The following ACSF2 variants were observed in gnomAD, a reference collection of about 807,000 sequenced individuals.
ACSF2 encodes acyl-CoA synthetase family member 2, also known as medium-chain acyl-CoA ligase ACSF2, mitochondrial.
Under a neutral mutation model 79.3 loss-of-function variants are expected in ACSF2, and 52 were observed. The ratio of observed to expected loss-of-function variants is 0.66; its 90% CI spans 0.53 to 0.83. ACSF2 has a LOEUF of 0.83. Ranked by LOEUF, ACSF2 falls within the 40% of genes least tolerant of loss-of-function variation. The probability of loss-of-function intolerance (pLI) is 0.00; values close to 1 mark genes in which losing one functional copy is unlikely to be tolerated. For missense variants in ACSF2, 661 were observed against 803.3 expected, an observed-to-expected ratio of 0.82 and a Z score of 2.14; for synonymous variants, 283 against 312.6, an observed-to-expected ratio of 0.91 and a Z score of 1.00.
In ACSF2 at chr17:50,426,254, A is replaced by G; in HGVS notation, c.-8A>G. 7.4e-7 allele frequency: 1 copy of G among 1,354,254 alleles called. No individual in the cohort carries two copies. Among genetic ancestry groups the G allele is most frequent in the Non-Finnish European group, 9.6e-7 (1 of 1,045,850 alleles). The allele number at this position is 1,354,254 out of a possible 1,614,324, so 83.9% of individuals were successfully genotyped here. ...TTACTCGGGCCGGGACGCAGGGCAA[A>G]GCGAGCCATGGCTGTCTACGTCGGG... On this transcript the variant is annotated 5_prime_UTR_variant, in exon 1 of 16. Coordinates refer to ENST00000300441, the MANE Select transcript of ACSF2 (RefSeq NM_025149.6).
rs867765916 is a variant in ACSF2 at position 50,426,290 on chromosome 17, T to TG, written c.33dup (p.Arg12GlufsTer59). ...GCTGTCTACGTCGGGATGCTGCGCC[T>TG]GGGGAGGCTGTGCGCCGGGAGCTCG... is the stretch of plus-strand genomic sequence containing the variant. On this transcript the variant is annotated frameshift_variant, in exon 1 of 16. Coordinates refer to ENST00000300441, the MANE Select transcript of ACSF2 (RefSeq NM_025149.6). LOFTEE classifies it high-confidence loss of function. 1.4e-6 allele frequency: 2 copies of TG among 1,410,850 alleles called. No individual in the cohort carries two copies. The highest frequency in any genetic ancestry group is 1.5e-5 in the African/African-American group (1 of 67,282). 87.4% of individuals were successfully genotyped at this position (1,410,850 alleles called of 1,614,324 possible). A position where few individuals can be genotyped will look rare whatever the true frequency, so the allele number is the denominator to read the frequency against.
At chr17:50,432,952 A>T (rs1404584803) in intron 1 of ACSF2, among the ~76,000 whole-genome samples, 1 of 152,202 alleles carries the variant, frequency 6.6e-6, no homozygotes, top group East Asian at 1.9e-4. Flanking sequence ...TGCAGCCTTC[A>T]TACGTGTGTG....
intron 10 of ACSF2, among the ~76,000 whole-genome samples, chr17:50,466,179 C>T (rs771970092): frequency 3.4e-4 from 51 of 151,460 alleles, no homozygotes; most frequent in Non-Finnish European, 4.9e-4. Flanking sequence ...CTCCGCCTCC[C>T]GGGTTCACGC....
rs554743595 is a variant in ACSF2 at position 50,441,816 on chromosome 17, C to CTTTA, written c.128+15451_128+15454dup. 6.7e-3 allele frequency among the ~76,000 whole-genome samples: 1,014 copies of CTTTA among 151,932 alleles called. 8 individuals are homozygous for CTTTA. The highest frequency in any genetic ancestry group is 0.018 in the African/African-American group (749 of 41,416). ...TTTTCCATGTCATTAAATGTTGTGTCTTTATTTATTTATTTATTTATTTAT... is the reference window on the plus strand; with the variant it reads ...TTTTCCATGTCATTAAATGTTGTGTCTTTATTTATTTATTTATTTATTTATTTAT... On this transcript the variant is annotated intron_variant, in intron 1 of 15. Transcript: ENST00000300441.
At chr17:50,437,735 C>T (rs900281112) in intron 1 of ACSF2, among the ~76,000 whole-genome samples, 3 of 152,072 alleles carry the variant, frequency 2.0e-5, no homozygotes, top group Non-Finnish European at 2.9e-5. Context: ...TAGGAAGTTG[C>T]TTCATCTTTT....
intron 1 of ACSF2, among the ~76,000 whole-genome samples, chr17:50,434,084 T>G (rs1434079576): frequency 6.8e-6 from 1 of 147,524 alleles, no homozygotes; most frequent in Non-Finnish European, 1.5e-5. Context: ...GAGGCTGAGG[T>G]GGGAGGATCG....
intron 1 of ACSF2, among the ~76,000 whole-genome samples, chr17:50,435,361 T>C (rs1284468416): frequency 6.6e-6 from 1 of 152,118 alleles, no homozygotes; most frequent in Non-Finnish European, 1.5e-5. Context: ...TTTGTAGCTT[T>C]TTTTCATCCT....
intron 1 of ACSF2, among the ~76,000 whole-genome samples, chr17:50,459,680 T>C (rs1362339043): frequency 6.6e-6 from 1 of 152,102 alleles, no homozygotes; most frequent in East Asian, 1.9e-4. Flanking sequence ...AGATGGGTAG[T>C]TCCTGAAAGG....
intron 10 of ACSF2, chr17:50,468,510 T>C (rs1200634368): frequency 1.9e-6 from 3 of 1,614,088 alleles, no homozygotes; most frequent in East Asian, 4.5e-5. Flanking sequence ...TACAAGTAGA[T>C]AAGTTGCTTG....
chr17:50,434,803 C>T (rs1342061298), intron 1 of ACSF2, among the ~76,000 whole-genome samples: 5 of 151,322 alleles, frequency 3.3e-5, no homozygotes, highest in Non-Finnish European at 7.4e-5. Flanking sequence ...GTGGTTATGT[C>T]GAGTGGTAGA....
intron 1 of ACSF2, chr17:50,426,778 G>T: frequency 2.0e-6 from 2 of 1,002,400 alleles, no homozygotes; most frequent in Non-Finnish European, 1.5e-6. Flanking sequence ...CAAACTTGGG[G>T]ATCAGCCCCA....
intron 1 of ACSF2, among the ~76,000 whole-genome samples, chr17:50,444,636 A>AAC (rs72392656): frequency 0.24 from 34,895 of 147,902 alleles, 4,120 homozygotes; most frequent in Middle Eastern, 0.36. Flanking sequence ...TCTCTCTGCA[A>AAC]ACACACACAC....
At chr17:50,459,964 C>T (rs964998440) in intron 1 of ACSF2, among the ~76,000 whole-genome samples, 2 of 152,186 alleles carry the variant, frequency 1.3e-5, no homozygotes, top group African/African-American at 2.4e-5. Context: ...CTTCTTAATT[C>T]CCTGGAGACA....
chr17:50,464,762 A>C, intron 10 of ACSF2: 2 of 171,678 alleles, frequency 1.2e-5, no homozygotes, highest in East Asian at 1.2e-4. Context: ...TGTGGTTCTG[A>C]TTGACTTGGG....
intron 10 of ACSF2, 84 bp from the exon 11 acceptor site, chr17:50,470,944 A>G: frequency 2.0e-6 from 2 of 1,013,618 alleles, no homozygotes; most frequent in African/African-American, 1.6e-5. Context: ...TCTTTTATGA[A>G]TTCCTTCCCA....
chr17:50,469,699 CCCCAACCCTAGT>C (rs2033011062), intron 10 of ACSF2, among the ~76,000 whole-genome samples: 2 of 152,224 alleles, frequency 1.3e-5, no homozygotes, highest in Non-Finnish European at 2.9e-5. Context: ...CATCCCTCAT[CCCCAACCCTAGT>C]GGTCAGGACC....
At position 50,474,213 on chromosome 17, in the gene ACSF2, G is replaced by C. The variant is rs763007526; in HGVS notation, c.1743G>C (p.Lys581Asn). 5.6e-6 allele frequency: 9 copies of C among 1,614,204 alleles called. No homozygotes were observed. Among genetic ancestry groups the C allele is most frequent in the Non-Finnish European group, 7.6e-6 (9 of 1,180,046 alleles). ...CTGGTCTGCAGATCTCTCACTTCAA[G>C]ATTCCGAAGTACATCGTGTTTGTCA... ...AFCKGKISHFKIPKYIVFVTN... is the reference protein window; with the variant it reads ...AFCKGKISHFNIPKYIVFVTN... Residue 581 changes from lysine (K) to asparagine (N), a missense_variant, in exon 15 of 16, where the codon AAG becomes AAC. Coordinates refer to ENST00000300441, the MANE Select transcript of ACSF2 (RefSeq NM_025149.6). This position sits in a 1 kb window ranked among gnomAD's most constrained non-coding sequence, Gnocchi z 4.2.
chr17:50,461,357 C>T lies in ACSF2; in HGVS notation c.440C>T (p.Ala147Val), dbSNP rs1191122727. 1.2e-6 allele frequency: 2 copies of T among 1,614,034 alleles called. No individual in the cohort carries two copies. The highest frequency in any genetic ancestry group is 1.1e-5 in the South Asian group (1 of 91,058). ...CTCATGCAGTTGGCCACCGCCCAGG[C>T]GGGCATCATTCTGGTGAGGAGGGGC... ...WVLMQLATAQ[A>V]GIILVSVNPA... Residue 147 changes from alanine (A) to valine (V), a missense_variant, in exon 3 of 16, where the codon GCG (alanine) becomes GTG (valine). Transcript: ENST00000300441.
chr17:50,434,709 T>TA (rs1412321001), intron 1 of ACSF2, among the ~76,000 whole-genome samples: 2 of 151,868 alleles, frequency 1.3e-5, no homozygotes, highest in African/African-American at 4.8e-5. Context: ...TTTTTTTTTT[T>TA]ACTGTAGTCC....
Sources: gnomAD v4.1 joint callset for allele counts (sites outside exome capture counted in the v4.1 genomes callset) on GRCh38, gnomAD v4.1.1 for gene constraint, Gnocchi (gnomAD v3.1) non-coding constraint, MANE v1.5 for transcripts, NCBI Gene and HGNC (gene_info 2026-07-23, HGNC 2026-07-21) for gene names.